NRG3: variants seen among roughly 807,000 people sequenced by gnomAD.
NRG3 encodes neuregulin 3.
NRG3 carries 31 observed loss-of-function variants against 66.9 expected under a neutral mutation model. That is an observed-to-expected ratio of 0.46 (90% CI 0.35 to 0.63). The LOEUF (loss-of-function observed/expected upper bound fraction) is 0.63, where lower values mean the gene tolerates loss of function less well. NRG3 is among the 20% of genes least tolerant of loss of function. The pLI is 0.00. For missense variants in NRG3, 910 were observed against 878.9 expected, an observed-to-expected ratio of 1.04 and a Z score of -0.45; for synonymous variants, 393 against 359.4, an observed-to-expected ratio of 1.09 and a Z score of -1.06.
intron 1 of NRG3, among the ~76,000 whole-genome samples, chr10:82,149,748 C>A (rs7899362): frequency 6.7e-6 from 1 of 150,150 alleles, no homozygotes; most frequent in East Asian, 2.0e-4. Flanking sequence ...GAATGTCAGA[C>A]TAATAAATGG....
chr10:82,673,198 C>T (rs185718943), intron 2 of NRG3, among the ~76,000 whole-genome samples: 8 of 152,338 alleles, frequency 5.3e-5, no homozygotes, highest in Admixed American at 1.3e-4. Flanking sequence ...CAGGGCTGGC[C>T]CCGCCTTGCA....
chr10:82,206,312 A>G (rs923913407), intron 1 of NRG3, among the ~76,000 whole-genome samples: 9 of 152,132 alleles, frequency 5.9e-5, no homozygotes, highest in Non-Finnish European at 1.3e-4. Flanking sequence ...GAGTCTGACA[A>G]TTTACTAAAC....
At chr10:82,429,686 G>A (rs528583772) in intron 2 of NRG3, among the ~76,000 whole-genome samples, 22 of 152,148 alleles carry the variant, frequency 1.4e-4, no homozygotes, top group Admixed American at 2.6e-4. Flanking sequence ...ATTTTCAGTT[G>A]AAATTCTTTA....
chr10:82,925,021 T>C (rs1037199914), intron 4 of NRG3, among the ~76,000 whole-genome samples: 2 of 152,184 alleles, frequency 1.3e-5, no homozygotes, highest in African/African-American at 4.8e-5. Flanking sequence ...GAAAACTTTG[T>C]ATCCATCATA....
At chr10:81,892,728 A>G (rs1843145497) in intron 1 of NRG3, among the ~76,000 whole-genome samples, 1 of 152,216 alleles carries the variant, frequency 6.6e-6, no homozygotes, top group Non-Finnish European at 1.5e-5. Flanking sequence ...AAAAATAGAA[A>G]GAACGAGTAA....
At chr10:82,304,245 G>T (rs1046391876) in intron 1 of NRG3, among the ~76,000 whole-genome samples, 1 of 152,006 alleles carries the variant, frequency 6.6e-6, no homozygotes, top group Non-Finnish European at 1.5e-5. Context: ...TTCTTATTTT[G>T]AATGTGACTG....
chr10:82,475,979 A>G (rs1021640586), intron 2 of NRG3, among the ~76,000 whole-genome samples: 8 of 152,192 alleles, frequency 5.3e-5, no homozygotes, highest in African/African-American at 1.9e-4. Flanking sequence ...TAGAGTTCCT[A>G]CAACTTGACA....
At chr10:82,902,859 T>G (rs1263475977) in intron 4 of NRG3, among the ~76,000 whole-genome samples, 1 of 152,142 alleles carries the variant, frequency 6.6e-6, no homozygotes, top group Non-Finnish European at 1.5e-5. Context: ...TGAACTGCAT[T>G]GATCCATTTA....
chr10:82,894,686 C>A (rs1309954304), intron 4 of NRG3, among the ~76,000 whole-genome samples: 1 of 152,132 alleles, frequency 6.6e-6, no homozygotes, highest in African/African-American at 2.4e-5. Context: ...AGAACCCTTA[C>A]CCTGAATTGG....
chr10:82,627,439 A>G (rs1036071327), intron 2 of NRG3, among the ~76,000 whole-genome samples: 7 of 152,156 alleles, frequency 4.6e-5, no homozygotes, highest in Admixed American at 4.6e-4. Flanking sequence ...AGGACAGGGA[A>G]AAATCACATC....
intron 4 of NRG3, among the ~76,000 whole-genome samples, chr10:82,926,955 C>T (rs1296316441): frequency 1.3e-5 from 2 of 152,086 alleles, no homozygotes; most frequent in African/African-American, 4.8e-5. Flanking sequence ...TCTAACTGAC[C>T]TTTGTTATCC....
intron 2 of NRG3, among the ~76,000 whole-genome samples, chr10:82,643,225 G>A (rs1461746526): frequency 2.0e-5 from 3 of 152,048 alleles, no homozygotes; most frequent in Admixed American, 1.3e-4. Context: ...AAAGATAATT[G>A]AATCATGGTC....
chr10:82,508,715 T>C (rs904190148), intron 2 of NRG3, among the ~76,000 whole-genome samples: 1 of 152,192 alleles, frequency 6.6e-6, no homozygotes, highest in Non-Finnish European at 1.5e-5. Flanking sequence ...TTTTTGTTTT[T>C]CTAGATCAAC....
rs572594727 is a variant in NRG3, at chr10:82,543,608, T to C, written c.953+184740T>C. Reference sequence around the variant, plus strand: ...ACCTGAGAGTTAGAAAAGATAAAACTCAGGTTCCACTGTTCGTCCAGGGAC... The same window carrying C: ...ACCTGAGAGTTAGAAAAGATAAAACCCAGGTTCCACTGTTCGTCCAGGGAC... On this transcript the variant is annotated intron_variant, in intron 2 of 8. Transcript: ENST00000372141. Among the ~76,000 whole-genome samples the C allele has an allele frequency of 2.5e-4, 38 of 152,314 alleles. No individual in the cohort carries two copies. In the East Asian group the frequency reaches 6.6e-3, roughly 26 times the overall value.
chr10:82,117,257 C>T (rs1196796721), intron 1 of NRG3, among the ~76,000 whole-genome samples: 1 of 152,058 alleles, frequency 6.6e-6, no homozygotes, highest in African/African-American at 2.4e-5. Context: ...TGTACCATAC[C>T]TTGAGTGTCC....
At chr10:81,897,481 A>G (rs1843631877) in intron 1 of NRG3, among the ~76,000 whole-genome samples, 1 of 152,064 alleles carries the variant, frequency 6.6e-6, no homozygotes, top group East Asian at 1.9e-4. Flanking sequence ...AAGAGGACTT[A>G]GATTGAAGGA....
chr10:82,731,366 C>CAAA (rs557587083), intron 2 of NRG3, among the ~76,000 whole-genome samples: 9 of 85,386 alleles, frequency 1.1e-4, no homozygotes, highest in Admixed American at 1.4e-4. Context: ...TACTCTGTCT[C>CAAA]AAAAAAAAAA....
At chr10:82,966,518 T>C (rs916673959) in intron 6 of NRG3, among the ~76,000 whole-genome samples, 1 of 152,190 alleles carries the variant, frequency 6.6e-6, no homozygotes, top group Admixed American at 6.5e-5. Flanking sequence ...TACCTTATCA[T>C]CTGTCTGAGG....
At chr10:81,896,543 G>A (rs2132611756) in intron 1 of NRG3, among the ~76,000 whole-genome samples, 1 of 152,166 alleles carries the variant, frequency 6.6e-6, no homozygotes, top group African/African-American at 2.4e-5. Flanking sequence ...TTTGGAGAAA[G>A]CTAAAATTCA....
Sources: gnomAD v4.1 joint callset for allele counts (sites outside exome capture counted in the v4.1 genomes callset) on GRCh38, gnomAD v4.1.1 for gene constraint, MANE v1.5 for transcripts, NCBI Gene and HGNC (gene_info 2026-07-23, HGNC 2026-07-21) for gene names.